JMJD6: variants seen among roughly 807,000 people sequenced by gnomAD.
JMJD6 encodes bifunctional arginine demethylase and lysyl-hydroxylase JMJD6.
JMJD6 carries 17 observed loss-of-function variants against 45.8 expected under a neutral mutation model. That is an observed-to-expected ratio of 0.37 (90% CI 0.25 to 0.56). The LOEUF (loss-of-function observed/expected upper bound fraction) is 0.56, where lower values mean the gene tolerates loss of function less well. JMJD6 is among the 20% of genes least tolerant of loss of function. The probability of loss-of-function intolerance (pLI) is 0.79; values close to 1 mark genes in which losing one functional copy is unlikely to be tolerated. For missense variants in JMJD6, 470 were observed against 517.5 expected (o/e 0.91, Z 0.89); for synonymous variants, 221 against 196.3 (o/e 1.13, Z -1.05).
downstream of JMJD6, chr17:76,716,808 C>T: frequency 7.1e-7 from 1 of 1,400,362 alleles, no homozygotes; most frequent in South Asian, 1.2e-5. Context: ...AAAGCAGGAC[C>T]CCCGGGACCC....
In JMJD6 at chr17:76,726,568, G is replaced by A. The variant is rs983743850; in HGVS notation, c.-93C>T. ...CTCCCCGGCCTGGGCGGCGGCGACG[G>A]CAGTACCCAAACGCCCTTCGCTCAG... On this transcript the variant is annotated 5_prime_UTR_variant, in exon 1 of 6. Transcript: ENST00000397625. The A allele has an allele frequency of 1.4e-6, 2 of 1,464,358 alleles. No homozygotes were observed. Among genetic ancestry groups the A allele is most frequent in the Middle Eastern group, 1.8e-4 (1 of 5,548 alleles). The allele number at this position is 1,464,358 out of a possible 1,614,324, so 90.7% of individuals were successfully genotyped here.
At chr17:76,725,206 C>T (rs533336923) in intron 2 of JMJD6, among the ~76,000 whole-genome samples, 176 of 152,104 alleles carry the variant, frequency 1.2e-3, no homozygotes, top group African/African-American at 3.8e-3. Context: ...GTCGGGAGTT[C>T]GAGACCAGCC....
intron 2 of JMJD6, 142 bp downstream of exon 2, chr17:76,725,325 G>T: frequency 1.3e-6 from 1 of 751,982 alleles, no homozygotes; most frequent in Non-Finnish European, 2.0e-6. Context: ...AGAAGCGCTT[G>T]AACTCGGGAG....
At position 76,725,526 on chromosome 17, in the gene JMJD6, T is replaced by A; in HGVS notation, c.459A>T (p.Pro153=). 6.2e-7 allele frequency: 1 copy of A among 1,614,202 alleles called. No homozygotes were observed. The highest frequency in any genetic ancestry group is 8.5e-7 in the Non-Finnish European group (1 of 1,180,034). ...GGAAAAGGTCATCAGTGAAAAACTTTGGCACCTTGTAGTCTTCCAAAAGTT... is the reference window on the plus strand; with the variant it reads ...GGAAAAGGTCATCAGTGAAAAACTTAGGCACCTTGTAGTCTTCCAAAAGTT... ...RRKLLEDYKV[P]KFFTDDLFQY... Residue 153 remains proline, a synonymous_variant, in exon 2 of 6, where the codon CCA becomes CCT. Transcript: ENST00000397625.
At chr17:76,722,567 C>T (rs989763073) in intron 3 of JMJD6, among the ~76,000 whole-genome samples, 5 of 151,830 alleles carry the variant, frequency 3.3e-5, no homozygotes, top group South Asian at 2.1e-4. Flanking sequence ...AAACCCTGGC[C>T]GGGGGTGGTG....
rs768434904 is a variant in JMJD6 at position 76,720,363 on chromosome 17, T to C, written c.1077A>G (p.Ser359=). 71 of 1,613,974 alleles carry C rather than the reference T, an allele frequency of 4.4e-5. No individual in the cohort carries two copies. Among genetic ancestry groups the C allele is most frequent in the Non-Finnish European group, 5.8e-5 (69 of 1,180,032 alleles). ...SSSSSSSDSD[S]ECESGSEGDG... ...CAGCCAGAGAGCAAGGCCTCACCTCTGAGTCGGAGTCTGACGAACTGGAGC... is the reference window on the plus strand; with the variant it reads ...CAGCCAGAGAGCAAGGCCTCACCTCCGAGTCGGAGTCTGACGAACTGGAGC... Residue 359 remains serine, a synonymous_variant, in exon 5 of 6, where the codon TCA becomes TCG. Transcript: ENST00000397625.
Position 76,718,623 on chromosome 17 carries a change from G to T in JMJD6, c.*106C>A. ...CGTGCCGAGGGTGTCCTCATTCTTGGGCTCTGTCAGGCCTCCCCTTGTCTG... is the reference window on the plus strand; with the variant it reads ...CGTGCCGAGGGTGTCCTCATTCTTGTGCTCTGTCAGGCCTCCCCTTGTCTG... On this transcript the variant is annotated 3_prime_UTR_variant, in exon 6 of 6. Coordinates refer to ENST00000397625, the MANE Select transcript of JMJD6 (RefSeq NM_015167.3). 6.7e-7 allele frequency: 1 copy of T among 1,503,552 alleles called. No individual in the cohort carries two copies. The allele number at this position is 1,503,552 out of a possible 1,614,324, so 93.1% of individuals were successfully genotyped here.
In JMJD6 at chr17:76,725,676, C is replaced by T. The variant is rs1191936513; in HGVS notation, c.309G>A (p.Glu103=). Residue 103 remains glutamate (E), a synonymous_variant, in exon 2 of 6, where the codon GAG becomes GAA. Coordinates refer to ENST00000397625, the MANE Select transcript of JMJD6 (RefSeq NM_015167.3). The stretch of plus-strand genomic sequence containing the variant: ...TCTTCACTGAGTAGCCATCGTTATC[C>T]TCACCACACTTGAACTTCTGGTTCC... The part of the protein sequence containing the change: ...KYRNQKFKCG[E]DNDGYSVKMK... 1.9e-6 allele frequency: 3 copies of T among 1,613,928 alleles called. No individual in the cohort carries two copies. Among genetic ancestry groups the T allele is most frequent in the South Asian group, 1.1e-5 (1 of 91,088 alleles).
rs2076807959 is a variant in JMJD6, at chr17:76,720,363, TGAGTCG to T, written c.1071_1076del (p.Asp358_Ser359del). The T allele has an allele frequency of 1.2e-6, 2 of 1,613,974 alleles. No homozygotes were observed. The highest frequency in any genetic ancestry group is 3.3e-5 in the Admixed American group (2 of 59,988). On this transcript the variant is annotated inframe_deletion, in exon 5 of 6. Transcript: ENST00000397625. ...CAGCCAGAGAGCAAGGCCTCACCTC[TGAGTCG>T]GAGTCTGACGAACTGGAGCTGGAGG...
Position 76,720,349 on chromosome 17 carries a change from C to T in JMJD6, c.1080+11G>A, listed in dbSNP as rs1050250948. ...GAGGCTCCAGGAGTCAGCCAGAGAG[C>T]AAGGCCTCACCTCTGAGTCGGAGTC... On this transcript the variant is annotated intron_variant, in intron 5 of 5. Transcript: ENST00000397625. The T allele has an allele frequency of 6.2e-7, 1 of 1,613,768 alleles. No homozygotes were observed.
chr17:76,717,832 TAAAA>T (rs66867045), downstream of JMJD6, among the ~76,000 whole-genome samples: 1 of 150,232 alleles, frequency 6.7e-6, no homozygotes, highest in Non-Finnish European at 1.5e-5. Flanking sequence ...CTACTAAAAA[TAAAA>T]AAAAATTAGC....
Position 76,725,500 on chromosome 17 carries a change from T to C in JMJD6, c.485A>G (p.Gln162Arg), listed in dbSNP as rs756819612. ...VPKFFTDDLF[Q>R]YAGEKRRPPY... ...GGGCCTGCGCTTCTCCCCAGCATAC[T>C]GGAAAAGGTCATCAGTGAAAAACTT... is the stretch of plus-strand genomic sequence containing the variant. The change falls in exon 2 of 6, where the codon CAG becomes CGG. Residue 162 changes from glutamine (Q) to arginine (R), a missense_variant. By Grantham distance (43) the Gln-to-Arg change is conservative. Coordinates refer to ENST00000397625, the MANE Select transcript of JMJD6 (RefSeq NM_015167.3). The C allele has an allele frequency of 6.2e-6, 10 of 1,613,584 alleles. No homozygotes were observed. Among genetic ancestry groups the C allele is most frequent in the Non-Finnish European group, 8.5e-6 (10 of 1,179,914 alleles).
chr17:76,720,771 C>A, intron 4 of JMJD6: 1 of 326,278 alleles, frequency 3.1e-6, no homozygotes. Context: ...CACCAATACA[C>A]GAGGCACAAT....
downstream of JMJD6, among the ~76,000 whole-genome samples, chr17:76,718,160 C>CAA (rs11335765): frequency 4.6e-5 from 3 of 65,848 alleles, no homozygotes; most frequent in African/African-American, 5.5e-5. Context: ...GACCCTGTCT[C>CAA]AAAAAAAAAA....
chr17:76,725,817 C>T lies in JMJD6; in HGVS notation c.168G>A (p.Val56=). The T allele has an allele frequency of 3.7e-6, 6 of 1,613,814 alleles. No individual in the cohort carries two copies. Among genetic ancestry groups the T allele is most frequent in the Non-Finnish European group, 5.1e-6 (6 of 1,179,976 alleles). The part of the protein sequence containing the change: ...VERADALQLS[V]EEFVERYERP... ...TTTCATACCGCTCCACAAATTCTTCCACAGACAGCTGTAAAGCATCTGCCC... is the reference window on the plus strand; with the variant it reads ...TTTCATACCGCTCCACAAATTCTTCTACAGACAGCTGTAAAGCATCTGCCC... Residue 56 remains valine (V), a synonymous_variant, in exon 2 of 6, where the codon GTG becomes GTA. Coordinates refer to ENST00000397625, the MANE Select transcript of JMJD6 (RefSeq NM_015167.3).
intron 5 of JMJD6, among the ~76,000 whole-genome samples, chr17:76,719,296 T>C (rs1293715804): frequency 6.7e-6 from 1 of 150,272 alleles, no homozygotes; most frequent in South Asian, 2.1e-4. Context: ...AGACAGAATT[T>C]TTTTTTTTTT....
chr17:76,724,040 T>C lies in JMJD6; in HGVS notation c.537A>G (p.Pro179=). The change falls in exon 3 of 6, where the codon CCA becomes CCG. Residue 179 remains proline (P), a synonymous_variant. Coordinates refer to ENST00000397625, the MANE Select transcript of JMJD6 (RefSeq NM_015167.3). Reference sequence around the variant, plus strand: ...TGTGAATCCCAGTTCCGGAGCGTGGTGGCCCCATCACAAACCACCTACAGA... The same window carrying C: ...TGTGAATCCCAGTTCCGGAGCGTGGCGGCCCCATCACAAACCACCTACAGA... The part of the protein sequence containing the change: ...RPPYRWFVMG[P]PRSGTGIHID... The C allele has an allele frequency of 6.2e-7, 1 of 1,614,036 alleles. No individual in the cohort carries two copies. The highest frequency in any genetic ancestry group is 8.5e-7 in the Non-Finnish European group (1 of 1,179,918).
downstream of JMJD6, chr17:76,716,840 C>A: frequency 4.3e-6 from 4 of 928,096 alleles, no homozygotes; most frequent in Non-Finnish European, 3.5e-6. Context: ...CATGGCAGGG[C>A]TTTCTCCAGA....
rs756241666 is a variant in JMJD6 at position 76,723,761 on chromosome 17, T to C, written c.805+11A>G. ...CGGCAAAGAATGTACTTTCTTCCAG[T>C]TCATCTATACCTGGTACAAAGACAG... On this transcript the variant is annotated intron_variant, in intron 3 of 5. Coordinates refer to ENST00000397625, the MANE Select transcript of JMJD6 (RefSeq NM_015167.3). 1 of 1,610,016 alleles carries C rather than the reference T, an allele frequency of 6.2e-7. No homozygotes were observed. Among genetic ancestry groups the C allele is most frequent in the East Asian group, 2.2e-5 (1 of 44,780 alleles).
Sources: allele counts gnomAD v4.1 joint callset (sites outside exome capture counted in the v4.1 genomes callset), GRCh38; gene constraint gnomAD v4.1.1; transcripts MANE v1.5; gene names NCBI Gene and HGNC (gene_info 2026-07-23, HGNC 2026-07-21).